METTL15: variants seen among roughly 807,000 people sequenced by gnomAD.
The protein encoded by METTL15 is methyltransferase 15, mitochondrial 12S rRNA N4-cytidine, also known as 12S rRNA N(4)-cytidine methyltransferase METTL15.
METTL15 carries 34 observed loss-of-function variants against 38.3 expected under a neutral mutation model. The ratio of observed to expected loss-of-function variants is 0.89; its 90% CI spans 0.68 to 1.18. The LOEUF (loss-of-function observed/expected upper bound fraction) is 1.18. Ranked by LOEUF, METTL15 falls within the 50% of genes most tolerant of loss-of-function variation. The probability of loss-of-function intolerance (pLI) is 0.00; values close to 1 mark genes in which losing one functional copy is unlikely to be tolerated. For missense variants in METTL15, 438 were observed against 498.4 expected, an observed-to-expected ratio of 0.88 and a Z score of 1.15; for synonymous variants, 162 against 170.9, an observed-to-expected ratio of 0.95 and a Z score of 0.41.
intron 3 of METTL15, among the ~76,000 whole-genome samples, chr11:28,139,026 G>A (rs183332379): frequency 2.6e-4 from 39 of 152,154 alleles, no homozygotes; most frequent in Admixed American, 2.6e-4. Context: ...TTATTCAACC[G>A]GTCTGCACAG....
intron 6 of METTL15, among the ~76,000 whole-genome samples, chr11:28,302,862 A>T (rs1475428903): frequency 1.3e-5 from 2 of 152,170 alleles, no homozygotes; most frequent in Admixed American, 6.6e-5. Flanking sequence ...TAATGCTTTG[A>T]TAGAATATTT....
intron 3 of METTL15, among the ~76,000 whole-genome samples, chr11:28,181,168 G>A (rs1851268690): frequency 6.6e-6 from 1 of 151,098 alleles, no homozygotes. Flanking sequence ...GTATACATAT[G>A]TACACAGGGA....
chr11:28,294,858 T>G (rs535965068), intron 5 of METTL15, among the ~76,000 whole-genome samples: 5 of 152,302 alleles, frequency 3.3e-5, no homozygotes, highest in South Asian at 2.1e-4. Context: ...ATTATTTATT[T>G]AGAGTAAAAT....
intron 3 of METTL15, among the ~76,000 whole-genome samples, chr11:28,140,000 C>T (rs1466374984): frequency 6.6e-6 from 1 of 152,114 alleles, no homozygotes; most frequent in Non-Finnish European, 1.5e-5. Context: ...GGCTGCAGCT[C>T]ATTCCTGCCC....
In METTL15 at chr11:28,150,619, T is replaced by C. The variant is rs771276642; in HGVS notation, c.270+37015T>C. 2.8e-5 allele frequency among the ~76,000 whole-genome samples: 4 copies of C among 143,158 alleles called. No individual in the cohort carries two copies. The South Asian group carries it at 6.9e-4, about 25-fold the overall frequency. The allele number at this position is 143,158 out of a possible 152,430, so 93.9% of individuals were successfully genotyped here. A position where few individuals can be genotyped will look rare whatever the true frequency, so the allele number is the denominator to read the frequency against. ...AAAATCCCTCTCCTTTATACACATA[T>C]CGCCTGTGTGATAGAAAAAAAACCC... On this transcript the variant is annotated intron_variant, in intron 3 of 6. Coordinates refer to ENST00000407364, the MANE Select transcript of METTL15 (RefSeq NM_001113528.2).
intron 5 of METTL15, among the ~76,000 whole-genome samples, chr11:28,375,824 A>G (rs1188749980): frequency 2.0e-5 from 3 of 151,184 alleles, no homozygotes; most frequent in Non-Finnish European, 4.4e-5. Context: ...ATTTCCCTCT[A>G]CACACTGCTT....
In METTL15 at chr11:28,485,235, CAAGAAAAGAAAAGAA is replaced by C. The variant is rs71909949; in HGVS notation, c.*425-41230_*425-41216del. Among the ~76,000 whole-genome samples, 10 of 150,730 alleles carry C rather than the reference CAAGAAAAGAAAAGAA, an allele frequency of 6.6e-5. No individual in the cohort carries two copies. The South Asian group carries it at 2.1e-3, about 32-fold the overall frequency. On this transcript the variant is annotated intron_variant and NMD_transcript_variant, in intron 6 of 7. Coordinates refer to the METTL15 transcript ENST00000532947. ...CTAACTGTGTCTAACTTATTGAATG[CAAGAAAAGAAAAGAA>C]AAGAAAAGAAAAATAGCTTAATTAT...
intron 6 of METTL15, among the ~76,000 whole-genome samples, chr11:28,308,904 A>ATAGG (rs1368228799): frequency 6.6e-6 from 1 of 151,670 alleles, no homozygotes; most frequent in African/African-American, 2.4e-5. Context: ...AGATAGATAG[A>ATAGG]TAGATAGATA....
chr11:28,206,235 T>C (rs1482406199), intron 3 of METTL15, among the ~76,000 whole-genome samples: 1 of 151,232 alleles, frequency 6.6e-6, no homozygotes, highest in Non-Finnish European at 1.5e-5. Flanking sequence ...GTTTTTATGG[T>C]TTTAGGTCTA....
At chr11:28,513,108 CT>C (rs1289250220) in intron 6 of METTL15, among the ~76,000 whole-genome samples, 2 of 151,996 alleles carry the variant, frequency 1.3e-5, no homozygotes, top group Non-Finnish European at 2.9e-5. Flanking sequence ...ATTACAAGAA[CT>C]CACTGCACAT....
At chr11:28,160,086 T>C (rs1850403904) in intron 3 of METTL15, among the ~76,000 whole-genome samples, 1 of 151,820 alleles carries the variant, frequency 6.6e-6, no homozygotes, top group Non-Finnish European at 1.5e-5. Context: ...GGCAGAAAAA[T>C]GTGAAGAGAC....
intron 6 of METTL15, among the ~76,000 whole-genome samples, chr11:28,465,789 C>T (rs1374782714): frequency 1.3e-5 from 2 of 152,226 alleles, no homozygotes; most frequent in East Asian, 1.9e-4. Context: ...GTTGTGGGGG[C>T]GCTCCTGTGC....
At chr11:28,335,475 G>A (rs1207140721), downstream of METTL15, among the ~76,000 whole-genome samples, 3 of 152,112 alleles carry the variant, frequency 2.0e-5, no homozygotes, top group Non-Finnish European at 4.4e-5. Context: ...AAATGTTTAT[G>A]AACTGAAAGT....
intron 4 of METTL15, among the ~76,000 whole-genome samples, chr11:28,356,297 T>C (rs560565508): frequency 6.6e-6 from 1 of 152,324 alleles, no homozygotes; most frequent in East Asian, 1.9e-4. Context: ...GATCTTTGAG[T>C]TAAAAACTTT....
At chr11:28,263,341 T>A (rs1855285840) in intron 4 of METTL15, among the ~76,000 whole-genome samples, 2 of 152,096 alleles carry the variant, frequency 1.3e-5, no homozygotes, top group South Asian at 2.1e-4. Context: ...ACCTTTTACC[T>A]TTTGGTGTTA....
At chr11:28,484,732 C>T (rs1289927543) in intron 6 of METTL15, among the ~76,000 whole-genome samples, 1 of 152,126 alleles carries the variant, frequency 6.6e-6, no homozygotes, top group Non-Finnish European at 1.5e-5. Context: ...TTTTCACCTG[C>T]TCTTCTTATT....
At chr11:28,456,600 CCT>C (rs1851171218) in intron 6 of METTL15, among the ~76,000 whole-genome samples, 1 of 151,908 alleles carries the variant, frequency 6.6e-6, no homozygotes, top group Non-Finnish European at 1.5e-5. Context: ...GCCACCATGC[CCT>C]GTTAATTTTT....
chr11:28,338,456 A>G (rs1849921172), downstream of METTL15, among the ~76,000 whole-genome samples: 1 of 152,078 alleles, frequency 6.6e-6, no homozygotes, highest in Non-Finnish European at 1.5e-5. Flanking sequence ...TTCCATAAAA[A>G]TATTTTTTTC....
At chr11:28,443,001 T>G (rs569550299) in intron 6 of METTL15, among the ~76,000 whole-genome samples, 1 of 152,362 alleles carries the variant, frequency 6.6e-6, no homozygotes, top group East Asian at 1.9e-4. Flanking sequence ...TGATCTTAAG[T>G]GTAAAGTTTG....
Sources: gnomAD v4.1 joint callset for allele counts (sites outside exome capture counted in the v4.1 genomes callset) on GRCh38, gnomAD v4.1.1 for gene constraint, MANE v1.5 for transcripts, NCBI Gene and HGNC (gene_info 2026-07-23, HGNC 2026-07-21) for gene names.